Variants in EIF4G3 observed in about 807,000 individuals in gnomAD.
EIF4G3 encodes eukaryotic translation initiation factor 4 gamma 3, also known as eIF-4-gamma 3.
In EIF4G3, 34 loss-of-function variants were observed where a neutral mutation model predicts 186.4. The ratio of observed to expected loss-of-function variants is 0.18; its 90% CI spans 0.14 to 0.24. The LOEUF is 0.24. EIF4G3 is among the 10% of genes least tolerant of loss of function. The probability of loss-of-function intolerance (pLI) is 1.00; values close to 1 mark genes in which losing one functional copy is unlikely to be tolerated. For synonymous variants in EIF4G3, 673 were observed against 679.5 expected, an observed-to-expected ratio of 0.99 and a Z score of 0.15; for missense variants, 1,536 against 1,948.5, an observed-to-expected ratio of 0.79 and a Z score of 3.99.
At chr1:20,889,373 T>C (rs1210968914) in intron 18 of EIF4G3, among the ~76,000 whole-genome samples, 1 of 152,232 alleles carries the variant, frequency 6.6e-6, no homozygotes, top group East Asian at 1.9e-4. Context: ...CAAAAGTTAG[T>C]TAAAATAAGT....
In EIF4G3 at chr1:20,942,284, G is replaced by T; in HGVS notation, c.870C>A (p.Val290=). ...TCTCTCCACTGAGGACTAGCCTAAG[G>T]ACTGGGGAAGGAGACTTTAACACTG... ...PDPVLKSPSP[V]LRLVLSGEKK... is the part of the protein sequence containing the mutation. The change falls in exon 14 of 37, where the codon GTC becomes GTA. Residue 290 remains valine, a synonymous_variant. Coordinates refer to ENST00000602326, the MANE Select transcript of EIF4G3 (RefSeq NM_001391906.1). 1 of 1,607,252 alleles carries T rather than the reference G, an allele frequency of 6.2e-7. No homozygotes were observed.
At chr1:20,886,427 T>C in intron 18 of EIF4G3, 56 bp from the exon 19 acceptor site, 3 of 1,570,052 alleles carry the variant, frequency 1.9e-6, no homozygotes, top group Non-Finnish European at 2.6e-6. Flanking sequence ...GGCTTTGTTG[T>C]GCTGTTCAAG....
Position 21,176,264 on chromosome 1 carries a change from CGCTGCT to C in EIF4G3, c.-367_-362del, listed in dbSNP as rs757105157. ...CCGCCGCCGCCGCCGCCGCCGCCGC[CGCTGCT>C]GCCGCCGCCGGGTGAGGAGGCGGTA... On this transcript the variant is annotated 5_prime_UTR_variant, in exon 2 of 37. Transcript: ENST00000602326. The C allele has an allele frequency of 1.4e-4, 44 of 305,240 alleles. No individual in the cohort carries two copies. The highest frequency in any genetic ancestry group is 4.5e-4 in the South Asian group (4 of 8,962). The allele number at this position is 305,240 out of a possible 1,614,324, so 18.9% of individuals were successfully genotyped here.
chr1:20,886,470 A>G, intron 18 of EIF4G3, 99 bp from the exon 19 acceptor site: 2 of 1,206,414 alleles, frequency 1.7e-6, no homozygotes, highest in Non-Finnish European at 2.3e-6. Flanking sequence ...GCAATGCTAG[A>G]TGCAAAGATT....
At chr1:21,098,147 T>C (rs543492790) in intron 2 of EIF4G3, among the ~76,000 whole-genome samples, 2 of 152,248 alleles carry the variant, frequency 1.3e-5, no homozygotes, top group South Asian at 4.1e-4. Context: ...ACATTTCCAC[T>C]GTGAAAGACA....
intron 3 of EIF4G3, among the ~76,000 whole-genome samples, chr1:21,070,329 C>T (rs980239902): frequency 6.6e-6 from 1 of 152,028 alleles, no homozygotes; most frequent in African/African-American, 2.4e-5. Flanking sequence ...CCCTCTTTAC[C>T]CTTCAAATCC....
intron 3 of EIF4G3, among the ~76,000 whole-genome samples, chr1:21,084,786 T>C (rs1163447959): frequency 6.6e-6 from 1 of 152,110 alleles, no homozygotes; most frequent in Non-Finnish European, 1.5e-5. Flanking sequence ...TAAGGTAGAA[T>C]GGCCAGTCAT....
chr1:21,001,473 A>G (rs1000061565), intron 5 of EIF4G3, among the ~76,000 whole-genome samples, 161 bp from the exon 6 acceptor site: 1 of 152,246 alleles, frequency 6.6e-6, no homozygotes, highest in East Asian at 1.9e-4. Flanking sequence ...AGCTTACCAT[A>G]ATGTTCCATG....
At chr1:21,175,951 A>G (rs552320601) in intron 2 of EIF4G3, 18 of 232,394 alleles carry the variant, frequency 7.7e-5, no homozygotes, top group African/African-American at 3.9e-4. Flanking sequence ...AGCATGGCCA[A>G]GTGGGGCTAG....
At chr1:21,080,038 C>T (rs976933921) in intron 3 of EIF4G3, among the ~76,000 whole-genome samples, 2 of 151,920 alleles carry the variant, frequency 1.3e-5, no homozygotes, top group African/African-American at 2.4e-5. Context: ...GTAATCCCAG[C>T]TACTCGGGAG....
At chr1:20,927,504 T>C (rs1391591628) in intron 14 of EIF4G3, among the ~76,000 whole-genome samples, 1 of 152,202 alleles carries the variant, frequency 6.6e-6, no homozygotes, top group African/African-American at 2.4e-5. Flanking sequence ...CAGAGAAGTC[T>C]GAAAGCAGAG....
intron 4 of EIF4G3, among the ~76,000 whole-genome samples, chr1:21,043,710 G>A (rs1313751307): frequency 6.6e-6 from 1 of 152,008 alleles, no homozygotes; most frequent in East Asian, 1.9e-4. Context: ...TGAGCAACAT[G>A]AGGAAACCCA....
At chr1:21,170,385 A>T (rs1223118177) in intron 2 of EIF4G3, among the ~76,000 whole-genome samples, 1 of 151,330 alleles carries the variant, frequency 6.6e-6, no homozygotes, top group Non-Finnish European at 1.5e-5. Context: ...AAAAGTACAC[A>T]ACAGGCCAGG....
chr1:20,945,266 G>A (rs764672897), intron 13 of EIF4G3, among the ~76,000 whole-genome samples: 1 of 151,988 alleles, frequency 6.6e-6, no homozygotes, highest in Non-Finnish European at 1.5e-5. Flanking sequence ...GGTTAGCAAA[G>A]ATAGATGTCT....
At chr1:21,014,106 C>T (rs2088077380) in intron 4 of EIF4G3, among the ~76,000 whole-genome samples, 1 of 151,992 alleles carries the variant, frequency 6.6e-6, no homozygotes. Flanking sequence ...GAGGTGGAGG[C>T]TGCAGTGAGC....
At chr1:20,858,384 C>T (rs2075553210) in intron 24 of EIF4G3, among the ~76,000 whole-genome samples, 1 of 152,128 alleles carries the variant, frequency 6.6e-6, no homozygotes, top group African/African-American at 2.4e-5. Flanking sequence ...TTTGTACTTA[C>T]TACTCCCTTT....
In EIF4G3 at chr1:20,969,490, G is replaced by A. The variant is rs558471732; in HGVS notation, c.698C>T (p.Thr233Ile). 91 of 1,613,866 alleles carry A rather than the reference G, an allele frequency of 5.6e-5. 2 individuals are homozygous for A. In the South Asian group the frequency reaches 9.9e-4, roughly 18 times the overall value. The stretch of plus-strand genomic sequence containing the variant: ...CTGTCTTACCTGAGGAGGAGTAGGT[G>A]TGGACGTGGGTCTTCCTATGGGTGG... ...PTPPIGRPTSTPTPPQQLPSQ... is the reference protein window; with the variant it reads ...PTPPIGRPTSIPTPPQQLPSQ... Residue 233 changes from threonine (T) to isoleucine (I), a missense_variant, in exon 12 of 37, where the codon ACA becomes ATA. Around this residue, in one of 11 missense-constraint regions of EIF4G3, gnomAD observed 560 missense variants for 547.8 expected, o/e 1.02. Coordinates refer to ENST00000602326, the MANE Select transcript of EIF4G3 (RefSeq NM_001391906.1).
chr1:21,023,502 C>T (rs980561754), intron 4 of EIF4G3, among the ~76,000 whole-genome samples: 1 of 152,030 alleles, frequency 6.6e-6, no homozygotes, highest in African/African-American at 2.4e-5. Context: ...GCGAGTGATC[C>T]GCCAGCCTCG....
At chr1:20,897,936 ATAAAT>A (rs989845223) in intron 16 of EIF4G3, among the ~76,000 whole-genome samples, 3 of 151,950 alleles carry the variant, frequency 2.0e-5, no homozygotes, top group Non-Finnish European at 4.4e-5. Context: ...AAAACATAAA[ATAAAT>A]TAATATAAAA....
Sources: allele counts gnomAD v4.1 joint callset (sites outside exome capture counted in the v4.1 genomes callset), GRCh38; gene constraint gnomAD v4.1.1; regional missense constraint gnomAD v4.1.1; transcripts MANE v1.5; gene names NCBI Gene and HGNC (gene_info 2026-07-23, HGNC 2026-07-21).